PRKG1: variants seen among roughly 807,000 people sequenced by gnomAD.
PRKG1 encodes the protein protein kinase cGMP-dependent 1, also known as cGMP-dependent protein kinase 1.
A neutral mutation model predicts 88.1 loss-of-function variants in PRKG1; 35 were observed. That is an observed-to-expected ratio of 0.40 (90% CI 0.30 to 0.53). The LOEUF (loss-of-function observed/expected upper bound fraction) is 0.53, where lower values mean the gene tolerates loss of function less well. Ranked by LOEUF, PRKG1 falls within the 20% of genes least tolerant of loss-of-function variation. The pLI is 0.59. For synonymous variants in PRKG1, 303 were observed against 292.5 expected, an observed-to-expected ratio of 1.04 and a Z score of -0.37; for missense variants, 540 against 839.8, an observed-to-expected ratio of 0.64 and a Z score of 4.41.
At chr10:51,950,714 G>A (rs1304948269) in intron 5 of PRKG1, among the ~76,000 whole-genome samples, 2 of 152,242 alleles carry the variant, frequency 1.3e-5, no homozygotes, top group Non-Finnish European at 2.9e-5. Context: ...CACGTCAGCA[G>A]CTCAGTCAGT....
intron 3 of PRKG1, among the ~76,000 whole-genome samples, chr10:51,670,923 T>G (rs2132348419): frequency 6.6e-6 from 1 of 152,136 alleles, no homozygotes; most frequent in South Asian, 2.1e-4. Flanking sequence ...GACTAATATT[T>G]TGCTCTATTT....
At chr10:51,477,073 G>A (rs1840217550) in intron 3 of PRKG1, among the ~76,000 whole-genome samples, 1 of 151,840 alleles carries the variant, frequency 6.6e-6, no homozygotes, top group African/African-American at 2.4e-5. Context: ...CTCCTTGACA[G>A]TCACCAGCAA....
intron 5 of PRKG1, among the ~76,000 whole-genome samples, chr10:52,034,305 G>A (rs1316000891): frequency 7.3e-6 from 1 of 136,506 alleles, no homozygotes; most frequent in Non-Finnish European, 1.6e-5. Context: ...GAGAGAATGG[G>A]CGATGTTTCT....
chr10:51,677,578 C>T (rs1840741926), intron 3 of PRKG1, among the ~76,000 whole-genome samples: 3 of 152,168 alleles, frequency 2.0e-5, no homozygotes. Flanking sequence ...AAGAATTCTG[C>T]ACCCTTAATA....
At chr10:51,254,145 T>G (rs1406686983) in intron 2 of PRKG1, among the ~76,000 whole-genome samples, 1 of 151,948 alleles carries the variant, frequency 6.6e-6, no homozygotes, top group East Asian at 1.9e-4. Context: ...TGGAATAGAT[T>G]GTTTAAAGAA....
intron 3 of PRKG1, among the ~76,000 whole-genome samples, chr10:51,648,619 G>A (rs1839970683): frequency 6.6e-6 from 1 of 152,062 alleles, no homozygotes; most frequent in Admixed American, 6.6e-5. Context: ...ACCTAGAGTG[G>A]CTGAAAATGA....
intron 2 of PRKG1, among the ~76,000 whole-genome samples, chr10:51,401,645 T>G (rs1474478116): frequency 1.3e-5 from 2 of 152,150 alleles, no homozygotes; most frequent in Non-Finnish European, 2.9e-5. Context: ...TTACTTTTCA[T>G]CTTATCCTTC....
chr10:51,599,126 A>G (rs1000709394), intron 3 of PRKG1, among the ~76,000 whole-genome samples: 1 of 152,196 alleles, frequency 6.6e-6, no homozygotes, highest in Non-Finnish European at 1.5e-5. Context: ...TTGAATTTGT[A>G]TGAGTTTCAG....
intron 1 of PRKG1, among the ~76,000 whole-genome samples, chr10:51,140,019 G>C (rs1845785154): frequency 1.3e-5 from 2 of 152,136 alleles, no homozygotes; most frequent in Non-Finnish European, 2.9e-5. Flanking sequence ...TGATCTAAAG[G>C]ATCTGGCTCA....
At chr10:51,885,817 C>T (rs549342570) in intron 4 of PRKG1, among the ~76,000 whole-genome samples, 2 of 152,242 alleles carry the variant, frequency 1.3e-5, no homozygotes, top group East Asian at 3.9e-4. Flanking sequence ...TTGGGCCTTT[C>T]CCCCGCTACT....
chr10:52,184,517 A>AT (rs932873848), intron 9 of PRKG1, among the ~76,000 whole-genome samples: 38 of 152,306 alleles, frequency 2.5e-4, no homozygotes, highest in Middle Eastern at 3.4e-3. Context: ...GCCTTTTACT[A>AT]TTTTTTGTAA....
At chr10:51,075,085 A>T (rs1211690809) in intron 1 of PRKG1, among the ~76,000 whole-genome samples, 184 bp downstream of exon 1, 1 of 152,230 alleles carries the variant, frequency 6.6e-6, no homozygotes, top group African/African-American at 2.4e-5. Flanking sequence ...GACTCACTGC[A>T]CATACGTTGC....
At chr10:51,455,902 A>ACCCAATTTGAAAGTCAC (rs1588975275) in intron 2 of PRKG1, among the ~76,000 whole-genome samples, 2 of 152,164 alleles carry the variant, frequency 1.3e-5, no homozygotes, top group East Asian at 3.9e-4. Context: ...TCTGCCTGTT[A>ACCCAATTTGAAAGTCAC]CCCAATTTGA....
At chr10:51,566,519 T>C (rs1241268220) in intron 3 of PRKG1, among the ~76,000 whole-genome samples, 1 of 152,100 alleles carries the variant, frequency 6.6e-6, no homozygotes, top group Non-Finnish European at 1.5e-5. Context: ...TCTAGTAGAT[T>C]ATATACACAG....
rs369324695 is a variant in PRKG1 at position 51,573,171 on chromosome 10, G to A, written c.592+105335G>A. 2.2e-4 allele frequency among the ~76,000 whole-genome samples: 33 copies of A among 151,766 alleles called. No individual in the cohort carries two copies. The East Asian group carries it at 4.7e-3, about 21-fold the overall frequency. On this transcript the variant is annotated intron_variant, in intron 3 of 17. Transcript: ENST00000373980. ...AATCCTATATCACTTCACCTGTCTT[G>A]CATCCAGATTAACAAAGAACTGCAA...
At chr10:51,803,786 G>A (rs567095458) in intron 3 of PRKG1, among the ~76,000 whole-genome samples, 3 of 151,982 alleles carry the variant, frequency 2.0e-5, no homozygotes, top group Non-Finnish European at 2.9e-5. Context: ...ATATATAAAA[G>A]TAAAGAGAAT....
At chr10:51,113,624 C>A in intron 1 of PRKG1, among the ~76,000 whole-genome samples, 1 of 150,138 alleles carries the variant, frequency 6.7e-6, no homozygotes, top group African/African-American at 2.5e-5. Context: ...TGAAATTTTG[C>A]AGTTTGCATA....
chr10:51,563,587 G>A (rs1471508581), intron 3 of PRKG1, among the ~76,000 whole-genome samples: 2 of 151,362 alleles, frequency 1.3e-5, no homozygotes, highest in Non-Finnish European at 2.9e-5. Flanking sequence ...ATACACTGCA[G>A]CTGTAACAAC....
Position 50,991,365 on chromosome 10 carries a change from G to T in PRKG1, c.-14G>T. On this transcript the variant is annotated 5_prime_UTR_variant, in exon 1 of 18. Coordinates refer to the PRKG1 transcript ENST00000401604. This position sits in a 1 kb window ranked among gnomAD's most constrained non-coding sequence, Gnocchi z 4.5. ...CGCCCGAGAAAAAGTTTCGCGGAGG[G>T]GCTCAGTGAAAAAATGAGCGAGCTA... The T allele has an allele frequency of 2.0e-6, 3 of 1,516,540 alleles. No homozygotes were observed. The highest frequency in any genetic ancestry group is 2.7e-6 in the Non-Finnish European group (3 of 1,131,894). 93.9% of individuals were successfully genotyped at this position (1,516,540 alleles called of 1,614,324 possible). A position where few individuals can be genotyped will look rare whatever the true frequency, so the allele number is the denominator to read the frequency against.
Sources: gnomAD v4.1 joint callset for allele counts (sites outside exome capture counted in the v4.1 genomes callset) on GRCh38, gnomAD v4.1.1 for gene constraint, Gnocchi (gnomAD v3.1) non-coding constraint, MANE v1.5 for transcripts, NCBI Gene and HGNC (gene_info 2026-07-23, HGNC 2026-07-21) for gene names.